Variants in ADCY5 observed in about 807,000 individuals in gnomAD.
ADCY5 encodes adenylate cyclase 5.
Under a neutral mutation model 119.7 loss-of-function variants are expected in ADCY5, and 30 were observed. The observed-to-expected ratio is 0.25, with a 90% CI of 0.19 to 0.34. The LOEUF (loss-of-function observed/expected upper bound fraction) is 0.34, where lower values mean the gene tolerates loss of function less well. Ranked by LOEUF, ADCY5 falls within the 10% of genes least tolerant of loss-of-function variation. The pLI is 1.00. For synonymous variants in ADCY5, 753 were observed against 762.2 expected (o/e 0.99, Z 0.20); for missense variants, 1,324 against 1,775.2 (o/e 0.75, Z 4.57).
intron 1 of ADCY5, among the ~76,000 whole-genome samples, chr3:123,439,507 T>C (rs1033106143): frequency 6.6e-6 from 1 of 152,246 alleles, no homozygotes. Context: ...AACTGTTCTA[T>C]TGTATTATTA....
At position 123,304,189 on chromosome 3, in the gene ADCY5, G is replaced by T; in HGVS notation, c.2443-6C>A. On this transcript the variant is annotated splice_region_variant and splice_polypyrimidine_tract_variant and intron_variant, in intron 12 of 20. Coordinates refer to ENST00000462833, the MANE Select transcript of ADCY5 (RefSeq NM_183357.3). Reference sequence around the variant, plus strand: ...TGCAGTGGGGAGGGGAAGAGCTAGGGTGGGGGCAGGGGTGGAGAGGGAGGG... The same window carrying T: ...TGCAGTGGGGAGGGGAAGAGCTAGGTTGGGGGCAGGGGTGGAGAGGGAGGG... The T allele has an allele frequency of 2.7e-6, 4 of 1,467,864 alleles. No individual in the cohort carries two copies. Among genetic ancestry groups the T allele is most frequent in the Non-Finnish European group, 3.8e-6 (4 of 1,049,822 alleles). 90.9% of individuals were successfully genotyped at this position (1,467,864 alleles called of 1,614,324 possible).
chr3:123,346,643 G>C (rs11924387), intron 3 of ADCY5, among the ~76,000 whole-genome samples: 45,358 of 121,674 alleles, frequency 0.37, 8,704 homozygotes, highest in East Asian at 0.64. Context: ...CTCTCTCTCT[G>C]TGTGTATGTG....
chr3:123,448,053 C>T lies in ADCY5; in HGVS notation c.493G>A (p.Gly165Ser), dbSNP rs1945859768. The T allele has an allele frequency of 8.0e-7, 1 of 1,245,742 alleles. No homozygotes were observed. Among genetic ancestry groups the T allele is most frequent in the Admixed American group, 3.7e-5 (1 of 27,004 alleles). 77.2% of individuals were successfully genotyped at this position (1,245,742 alleles called of 1,614,324 possible). A position where few individuals can be genotyped will look rare whatever the true frequency, so the allele number is the denominator to read the frequency against. The change falls in exon 1 of 21, where the codon GGC becomes AGC. Residue 165 changes from glycine (G) to serine (S), a missense_variant. By Grantham distance (56) the Gly-to-Ser change is moderately conservative (BLOSUM62 0). Transcript: ENST00000462833. ...AGCTCGTCGGCCGCGCGCCCCTTGC[C>T]CCGCCGCTCCTCCAGACCCACCTCC... The part of the protein sequence containing the change: ...SVEVGLEERR[G>S]KGRAADELEA...
chr3:123,428,114 C>A (rs1229430165), intron 1 of ADCY5, among the ~76,000 whole-genome samples: 1 of 152,190 alleles, frequency 6.6e-6, no homozygotes, highest in Non-Finnish European at 1.5e-5. Flanking sequence ...CGCCACCTGG[C>A]CTTGTGACTC....
intron 14 of ADCY5, among the ~76,000 whole-genome samples, chr3:123,302,086 T>C (rs1397704488): frequency 6.6e-6 from 1 of 152,212 alleles, no homozygotes; most frequent in Non-Finnish European, 1.5e-5. Flanking sequence ...TCACAGGCCC[T>C]TTGGGAGTTG....
rs147366266 is a variant in ADCY5, at chr3:123,283,697, TACAC to T, written c.*907_*910del. Reference sequence around the variant, plus strand: ...ATATACACCAGTACATACACCGACATACACACAGTACAAATGAGCACACCCGCCC... The same window carrying T: ...ATATACACCAGTACATACACCGACATACAGTACAAATGAGCACACCCGCCC... On this transcript the variant is annotated 3_prime_UTR_variant, in exon 21 of 21. Coordinates refer to ENST00000462833, the MANE Select transcript of ADCY5 (RefSeq NM_183357.3). 6.6e-6 allele frequency: 1 copy of T among 152,154 alleles called. No individual in the cohort carries two copies. 9.4% of individuals were successfully genotyped at this position (152,154 alleles called of 1,614,324 possible). A position where few individuals can be genotyped will look rare whatever the true frequency, so the allele number is the denominator to read the frequency against.
chr3:123,317,440 A>C (rs1262715315), intron 11 of ADCY5, among the ~76,000 whole-genome samples: 1 of 152,106 alleles, frequency 6.6e-6, no homozygotes, highest in African/African-American at 2.4e-5. Context: ...TAAGTGATAA[A>C]AAGGCGTCTC....
intron 1 of ADCY5, among the ~76,000 whole-genome samples, chr3:123,444,538 G>A (rs1312443754): frequency 3.3e-5 from 5 of 152,214 alleles, no homozygotes; most frequent in Non-Finnish European, 7.3e-5. Context: ...ATCCCACCAA[G>A]AGGGGCTGTG....
Position 123,352,844 on chromosome 3 carries a change from A to T in ADCY5, c.1135-263T>A, listed in dbSNP as rs1312294002. On this transcript the variant is annotated intron_variant, in intron 1 of 20. Transcript: ENST00000462833. The surrounding 1 kb of genome is among the most constrained non-coding windows in gnomAD (Gnocchi z 4.8). The stretch of plus-strand genomic sequence containing the variant: ...GAATCACCTAATAATCATACTAAAC[A>T]TGCCTATAGTACCAGAAATTAAAAG... 6.6e-6 allele frequency among the ~76,000 whole-genome samples: 1 copy of T among 152,158 alleles called. No individual in the cohort carries two copies. The highest frequency in any genetic ancestry group is 1.5e-5 in the Non-Finnish European group (1 of 68,020).
At chr3:123,327,802 A>G (rs1407213073) in intron 6 of ADCY5, 43 bp from the exon 7 acceptor site, 2 of 1,607,802 alleles carry the variant, frequency 1.2e-6, no homozygotes, top group Admixed American at 3.4e-5. Flanking sequence ...CAGAAAACTC[A>G]AAGTCATAAT....
chr3:123,327,879 A>G (rs192496564), intron 6 of ADCY5, 120 bp from the exon 7 acceptor site: 1 of 1,205,250 alleles, frequency 8.3e-7, no homozygotes, highest in East Asian at 2.5e-5. Flanking sequence ...TAGGGCCCCA[A>G]GCTCTGCTCA....
intron 19 of ADCY5, among the ~76,000 whole-genome samples, 159 bp downstream of exon 19, chr3:123,289,591 C>T (rs1939009239): frequency 6.6e-6 from 1 of 152,242 alleles, no homozygotes; most frequent in Non-Finnish European, 1.5e-5. Context: ...CCTGCCCCCA[C>T]CTACTAAGGG....
chr3:123,288,962 T>C (rs1938957915), intron 19 of ADCY5, among the ~76,000 whole-genome samples: 1 of 152,126 alleles, frequency 6.6e-6, no homozygotes, highest in African/African-American at 2.4e-5. Flanking sequence ...CACCATTTCT[T>C]TCCCCAGTTT....
At chr3:123,335,442 T>A (rs563320859) in intron 3 of ADCY5, among the ~76,000 whole-genome samples, 1 of 152,264 alleles carries the variant, frequency 6.6e-6, no homozygotes, top group Admixed American at 6.5e-5. Context: ...TCGCACCTCA[T>A]AACCACCCCG....
At chr3:123,435,808 CTCAGGAGT>C (rs1945599518) in intron 1 of ADCY5, among the ~76,000 whole-genome samples, 1 of 150,290 alleles carries the variant, frequency 6.7e-6, no homozygotes, top group East Asian at 2.0e-4. Context: ...ATTGCTTGAG[CTCAGGAGT>C]TCAAGACCAG....
chr3:123,400,149 G>A (rs758195474), intron 1 of ADCY5, among the ~76,000 whole-genome samples: 38 of 152,206 alleles, frequency 2.5e-4, no homozygotes, highest in Non-Finnish European at 3.7e-4. Flanking sequence ...CTAGTGAGGA[G>A]AGTTAAGAGG....
At chr3:123,402,685 C>G (rs550480422) in intron 1 of ADCY5, among the ~76,000 whole-genome samples, 3 of 151,868 alleles carry the variant, frequency 2.0e-5, no homozygotes, top group Non-Finnish European at 4.4e-5. Flanking sequence ...CCCGTCTCTA[C>G]TAAAAATACA....
intron 5 of ADCY5, among the ~76,000 whole-genome samples, chr3:123,330,081 T>C (rs1192163734): frequency 6.6e-6 from 1 of 152,206 alleles, no homozygotes; most frequent in Non-Finnish European, 1.5e-5. Flanking sequence ...CTGGTCTCTC[T>C]CCCTTAAGGC....
intron 2 of ADCY5, among the ~76,000 whole-genome samples, chr3:123,351,713 G>C (rs1362866471): frequency 1.3e-5 from 2 of 152,184 alleles, no homozygotes; most frequent in African/African-American, 4.8e-5. Context: ...AGACAGTGGG[G>C]ATCCAGACCT....
Sources: gnomAD v4.1 joint callset for allele counts (sites outside exome capture counted in the v4.1 genomes callset) on GRCh38, gnomAD v4.1.1 for gene constraint, Gnocchi (gnomAD v3.1) non-coding constraint, MANE v1.5 for transcripts, NCBI Gene and HGNC (gene_info 2026-07-23, HGNC 2026-07-21) for gene names.